Variants in MAP4 observed in about 807,000 individuals in gnomAD.
MAP4 encodes microtubule associated protein 4, also known as microtubule-associated protein 4.
A neutral mutation model predicts 170.2 loss-of-function variants in MAP4; 76 were observed. The observed-to-expected ratio is 0.45, with a 90% CI of 0.37 to 0.54. The LOEUF is 0.54. Among genes scored for constraint, MAP4 ranks in the 20% least tolerant of loss-of-function variants. MAP4 has a pLI of 0.00. For missense variants in MAP4, 2,506 were observed against 2,748.0 expected, an observed-to-expected ratio of 0.91 and a Z score of 1.97; for synonymous variants, 909 against 994.5, an observed-to-expected ratio of 0.91 and a Z score of 1.62.
intron 2 of MAP4, among the ~76,000 whole-genome samples, chr3:47,997,326 T>TAAAATAAAAAAAAAAAAAAAAAAAAAAA (rs2100096359): frequency 2.2e-5 from 1 of 44,994 alleles, no homozygotes; most frequent in Non-Finnish European, 4.3e-5. Context: ...TTTAAACTGC[T>TAAAATAAAAAAAAAAAAAAAAAAAAAAA]AAAAAAAAAA....
intron 1 of MAP4, among the ~76,000 whole-genome samples, chr3:48,072,640 T>C (rs1036182824): frequency 6.6e-6 from 1 of 152,194 alleles, no homozygotes; most frequent in Non-Finnish European, 1.5e-5. Flanking sequence ...GTATTCTGAG[T>C]TCCAGAAACA....
rs1204312211 is a variant in MAP4, at chr3:47,916,536, A to G, written c.1291T>C (p.Ser431Pro). 4 of 1,613,956 alleles carry G rather than the reference A, an allele frequency of 2.5e-6. No individual in the cohort carries two copies. Among genetic ancestry groups the G allele is most frequent in the East Asian group, 2.2e-5 (1 of 44,894 alleles). The change falls in exon 7 of 21, where the codon TCC becomes CCC. Residue 431 changes from serine to proline, a missense_variant. Around this residue, in one of 3 missense-constraint regions of MAP4, gnomAD observed 2,008 missense variants for 2,206.0 expected, o/e 0.91. Coordinates refer to ENST00000683076, the MANE Select transcript of MAP4 (RefSeq NM_001385682.1). ...GACAAAGCCACCTTCTCAGCAGAGG[A>G]TATTTCTGTGGATGATATAATGTCA... is the stretch of plus-strand genomic sequence containing the variant. ...ANDIISSTEISSAEKVALSSE... is the reference protein window; with the variant it reads ...ANDIISSTEIPSAEKVALSSE...
Position 47,852,952 on chromosome 3 carries a change from G to T in MAP4, c.6887-14C>A, listed in dbSNP as rs1418311217. Reference sequence around the variant, plus strand: ...GTAGGTCTCAATCTGCAGTGACATGGGAGGAGGGAAGGGAGAGGGGAACAG... The same window carrying T: ...GTAGGTCTCAATCTGCAGTGACATGTGAGGAGGGAAGGGAGAGGGGAACAG... On this transcript the variant is annotated splice_polypyrimidine_tract_variant and intron_variant, in intron 20 of 20. Transcript: ENST00000683076. 6.2e-7 allele frequency: 1 copy of T among 1,613,838 alleles called. No individual in the cohort carries two copies. Among genetic ancestry groups the T allele is most frequent in the Non-Finnish European group, 8.5e-7 (1 of 1,179,824 alleles).
chr3:47,912,854 T>G (rs977916865), intron 8 of MAP4, among the ~76,000 whole-genome samples: 1 of 152,208 alleles, frequency 6.6e-6, no homozygotes, highest in African/African-American at 2.4e-5. Context: ...TACATGATTT[T>G]GGACAAAATT....
intron 1 of MAP4, among the ~76,000 whole-genome samples, chr3:48,083,237 AAG>A (rs2100147478): frequency 6.6e-6 from 1 of 152,220 alleles, no homozygotes; most frequent in South Asian, 2.1e-4. Context: ...TGTTAACGCT[AAG>A]AGAAATGGAA....
At chr3:47,867,737 C>CT (rs1415299404) in intron 16 of MAP4, among the ~76,000 whole-genome samples, 1 of 152,238 alleles carries the variant, frequency 6.6e-6, no homozygotes, top group Non-Finnish European at 1.5e-5. Flanking sequence ...CTCTGCAAGT[C>CT]TTATCATGTG....
intron 1 of MAP4, among the ~76,000 whole-genome samples, chr3:48,076,415 T>A (rs979252692): frequency 6.7e-6 from 1 of 149,426 alleles, no homozygotes; most frequent in African/African-American, 2.5e-5. Context: ...GGCAGGAGAA[T>A]GGCATGAACC....
At chr3:47,956,172 C>T (rs951696846) in intron 3 of MAP4, among the ~76,000 whole-genome samples, 8 of 151,292 alleles carry the variant, frequency 5.3e-5, no homozygotes, top group South Asian at 2.1e-4. Flanking sequence ...GTGAAAAACA[C>T]GTAAAAAAAA....
intron 10 of MAP4, among the ~76,000 whole-genome samples, chr3:47,901,914 C>A (rs748700539): frequency 9.9e-5 from 15 of 152,108 alleles, no homozygotes; most frequent in Admixed American, 6.5e-5. Context: ...AATCTCAGCA[C>A]TTTGGGAGGC....
chr3:47,993,202 T>C lies in MAP4; in HGVS notation c.223+5436A>G, dbSNP rs117175200. ...AGCCAGATGCAGTGGTCCGCACCTA[T>C]AGTCCCAGCTACTTGGAAGGCTGAG... On this transcript the variant is annotated intron_variant, in intron 2 of 20. Coordinates refer to ENST00000683076, the MANE Select transcript of MAP4 (RefSeq NM_001385682.1). Among the ~76,000 whole-genome samples, 127 of 152,284 alleles carry C rather than the reference T, an allele frequency of 8.3e-4. No individual in the cohort carries two copies. In the East Asian group the frequency reaches 0.022, roughly 26 times the overall value.
At chr3:48,068,616 C>G (rs1023147309) in intron 1 of MAP4, among the ~76,000 whole-genome samples, 1 of 151,894 alleles carries the variant, frequency 6.6e-6, no homozygotes, top group Non-Finnish European at 1.5e-5. Flanking sequence ...AATCCCATCT[C>G]TACTAAAAAT....
intron 8 of MAP4, 135 bp from the exon 9 acceptor site, chr3:47,912,556 T>C: frequency 9.3e-6 from 6 of 648,222 alleles, no homozygotes; most frequent in Non-Finnish European, 1.4e-5. Context: ...TAGTACTTAC[T>C]GTAATTTGCT....
At chr3:48,075,664 C>A in intron 1 of MAP4, among the ~76,000 whole-genome samples, 1 of 151,714 alleles carries the variant, frequency 6.6e-6, no homozygotes, top group Non-Finnish European at 1.5e-5. Flanking sequence ...TATCCACACA[C>A]CAAAAAAAAC....
intron 2 of MAP4, among the ~76,000 whole-genome samples, chr3:47,988,481 G>A (rs1329504528): frequency 2.0e-5 from 3 of 152,118 alleles, no homozygotes; most frequent in African/African-American, 7.2e-5. Context: ...TGGAAGTTCT[G>A]TTCTGATTAA....
At chr3:47,899,458 T>C (rs1304977489) in intron 10 of MAP4, among the ~76,000 whole-genome samples, 2 of 152,206 alleles carry the variant, frequency 1.3e-5, no homozygotes, top group Non-Finnish European at 2.9e-5. Context: ...CTAGGTCCTA[T>C]TCCTACTCAC....
intron 1 of MAP4, among the ~76,000 whole-genome samples, chr3:48,039,756 C>A (rs1301091059): frequency 6.6e-6 from 1 of 152,134 alleles, no homozygotes; most frequent in African/African-American, 2.4e-5. Context: ...GATTTAATCT[C>A]AAAAGTCATA....
intron 9 of MAP4, among the ~76,000 whole-genome samples, chr3:47,904,631 T>C (rs1431021100): frequency 7.9e-6 from 1 of 126,576 alleles, no homozygotes; most frequent in African/African-American, 3.0e-5. Context: ...ACACCACTAA[T>C]AATATCTTTT....
At chr3:48,081,937 C>T (rs1365347308) in intron 1 of MAP4, among the ~76,000 whole-genome samples, 2 of 151,898 alleles carry the variant, frequency 1.3e-5, no homozygotes, top group Non-Finnish European at 2.9e-5. Context: ...TCTTACAGTG[C>T]CAGGAAGTAC....
chr3:47,852,998 G>A (rs200324776), intron 20 of MAP4, 60 bp from the exon 21 acceptor site: 18 of 1,614,066 alleles, frequency 1.1e-5, no homozygotes, highest in African/African-American at 2.7e-5. Context: ...AGGGGAACAC[G>A]GGGGAGACGG....
Sources: allele counts gnomAD v4.1 joint callset (sites outside exome capture counted in the v4.1 genomes callset), GRCh38; gene constraint gnomAD v4.1.1; regional missense constraint gnomAD v4.1.1; transcripts MANE v1.5; gene names NCBI Gene and HGNC (gene_info 2026-07-23, HGNC 2026-07-21).